The following UNC13C variants were observed in gnomAD, a reference collection of about 807,000 sequenced individuals.
UNC13C encodes the protein unc-13 homolog C.
Under a neutral mutation model 245.4 loss-of-function variants are expected in UNC13C, and 174 were observed. That is an observed-to-expected ratio of 0.71 (90% CI 0.63 to 0.80). UNC13C has a LOEUF of 0.80. Among genes scored for constraint, UNC13C ranks in the 30% least tolerant of loss-of-function variants. The probability of loss-of-function intolerance (pLI) is 0.00; values close to 1 mark genes in which losing one functional copy is unlikely to be tolerated. For missense variants in UNC13C, 2,829 were observed against 2,602.9 expected (o/e 1.09, Z -1.89); for synonymous variants, 992 against 895.1 (o/e 1.11, Z -1.93).
At chr15:53,917,274 G>C in the UNC13C span, among the ~76,000 whole-genome samples, 1 of 152,096 alleles carries the variant, frequency 6.6e-6, no homozygotes, top group Non-Finnish European at 1.5e-5. Context: ...TTAACAGTTG[G>C]GTGCAGCTGA....
intron 19 of UNC13C, among the ~76,000 whole-genome samples, chr15:54,481,065 T>A (rs187388915): frequency 6.6e-6 from 1 of 152,144 alleles, no homozygotes; most frequent in African/African-American, 2.4e-5. Context: ...TTTGGTTTTG[T>A]TTCTGGCAGG....
chr15:53,950,004 G>A, the UNC13C span, among the ~76,000 whole-genome samples: 3 of 152,134 alleles, frequency 2.0e-5, no homozygotes, highest in Admixed American at 6.5e-5. Flanking sequence ...ACAGGAAGAA[G>A]ATAAAAATGT....
chr15:53,992,589 A>G (rs1765658096), intron 1 of UNC13C, among the ~76,000 whole-genome samples: 1 of 152,086 alleles, frequency 6.6e-6, no homozygotes, highest in African/African-American at 2.4e-5. Flanking sequence ...CAGATGTCCT[A>G]TCCCGTGACT....
chr15:54,446,795 C>G (rs1165267822), intron 19 of UNC13C, among the ~76,000 whole-genome samples: 3 of 152,114 alleles, frequency 2.0e-5, no homozygotes. Context: ...TTTCTCCTGC[C>G]TGATTGCCCT....
At chr15:54,227,636 T>G (rs909925412) in intron 4 of UNC13C, among the ~76,000 whole-genome samples, 26 of 152,188 alleles carry the variant, frequency 1.7e-4, no homozygotes, top group African/African-American at 6.3e-4. Flanking sequence ...GGCTTCAGCC[T>G]TGTTCCAAAA....
At chr15:54,394,967 G>A (rs936238924) in intron 18 of UNC13C, among the ~76,000 whole-genome samples, 2 of 151,644 alleles carry the variant, frequency 1.3e-5, no homozygotes, top group Non-Finnish European at 3.0e-5. Flanking sequence ...ATAAAAATTA[G>A]CAATGACATG....
the UNC13C span, among the ~76,000 whole-genome samples, chr15:53,938,438 T>G: frequency 6.6e-6 from 1 of 152,042 alleles, no homozygotes; most frequent in African/African-American, 2.4e-5. Context: ...CTGACAATAC[T>G]AGACAGATCA....
chr15:53,936,494 C>A, the UNC13C span, among the ~76,000 whole-genome samples: 51,951 of 152,052 alleles, frequency 0.34, 8,905 homozygotes, highest in East Asian at 0.44. Flanking sequence ...GTGTTTCCCC[C>A]AGTGCAGTGC....
intron 19 of UNC13C, among the ~76,000 whole-genome samples, chr15:54,421,130 C>T (rs1180765155): frequency 6.6e-6 from 1 of 151,906 alleles, no homozygotes; most frequent in Non-Finnish European, 1.5e-5. Flanking sequence ...CTATCATTAT[C>T]CCCCTTTTAG....
At chr15:54,527,388 A>C (rs1336326805) in intron 25 of UNC13C, among the ~76,000 whole-genome samples, 9 of 152,094 alleles carry the variant, frequency 5.9e-5, no homozygotes. Flanking sequence ...AGTTAGGGGG[A>C]GGAAAAAAAA....
At chr15:54,179,961 A>T (rs921867840) in intron 4 of UNC13C, among the ~76,000 whole-genome samples, 1 of 152,240 alleles carries the variant, frequency 6.6e-6, no homozygotes, top group African/African-American at 2.4e-5. Context: ...ACTGTGAAAG[A>T]CAAGAGAAAA....
chr15:54,335,676 G>C (rs191748280), intron 16 of UNC13C, among the ~76,000 whole-genome samples: 1 of 152,122 alleles, frequency 6.6e-6, no homozygotes, highest in Non-Finnish European at 1.5e-5. Flanking sequence ...AGAATCATTG[G>C]TGTTGAATGT....
intron 17 of UNC13C, among the ~76,000 whole-genome samples, chr15:54,355,190 C>G (rs1596272787): frequency 6.6e-6 from 1 of 152,214 alleles, no homozygotes; most frequent in East Asian, 1.9e-4. Context: ...TATAAATTTC[C>G]CAGTTCCAGT....
intron 17 of UNC13C, among the ~76,000 whole-genome samples, chr15:54,343,077 T>C (rs369647444): frequency 9.2e-5 from 14 of 152,196 alleles, no homozygotes; most frequent in East Asian, 7.7e-4. Flanking sequence ...TCATTATCTT[T>C]ATTTTACCTA....
intron 2 of UNC13C, among the ~76,000 whole-genome samples, chr15:54,124,130 G>A (rs34513351): frequency 0.38 from 57,678 of 151,900 alleles, 11,076 homozygotes; most frequent in African/African-American, 0.41. Flanking sequence ...TTCCAGTTTG[G>A]GTTATTAAAA....
At chr15:54,423,007 A>G (rs1450370543) in intron 19 of UNC13C, among the ~76,000 whole-genome samples, 2 of 151,794 alleles carry the variant, frequency 1.3e-5, no homozygotes, top group Admixed American at 6.6e-5. Context: ...TTCATGAAAT[A>G]TAAACATCAT....
At chr15:53,860,363 G>T in the UNC13C span, among the ~76,000 whole-genome samples, 1 of 152,098 alleles carries the variant, frequency 6.6e-6, no homozygotes, top group Non-Finnish European at 1.5e-5. Context: ...CCTCAGGGAG[G>T]TAACTCACAA....
intron 12 of UNC13C, 44 bp from the exon 13 acceptor site, chr15:54,300,166 T>C (rs1184266340): frequency 6.4e-7 from 1 of 1,558,686 alleles, no homozygotes. Context: ...GTTTCTGGCC[T>C]ATTCTGAGGA....
the UNC13C span, among the ~76,000 whole-genome samples, chr15:53,945,074 C>T: frequency 6.6e-6 from 1 of 151,978 alleles, no homozygotes; most frequent in Admixed American, 6.6e-5. Flanking sequence ...TGAAAAGTGC[C>T]TGTTCATGTC....
Sources: allele counts gnomAD v4.1 joint callset (sites outside exome capture counted in the v4.1 genomes callset), GRCh38; gene constraint gnomAD v4.1.1; transcripts MANE v1.5; gene names NCBI Gene and HGNC (gene_info 2026-07-23, HGNC 2026-07-21).